The following ABI3BP variants were observed in gnomAD, a reference collection of about 807,000 sequenced individuals.
ABI3BP encodes the protein target of Nesh-SH3.
In ABI3BP, 216 loss-of-function variants were observed where a neutral mutation model predicts 268.6. That is an observed-to-expected ratio of 0.80 (90% CI 0.72 to 0.90). ABI3BP has a LOEUF of 0.90. Among genes scored for constraint, ABI3BP ranks in the 40% least tolerant of loss-of-function variants. ABI3BP has a pLI of 0.00. For missense variants in ABI3BP, 2,090 were observed against 2,182.4 expected (o/e 0.96, Z 0.84); for synonymous variants, 730 against 730.0 (o/e 1.00, Z 0.00).
At chr3:100,963,556 A>T (rs923793970) in intron 1 of ABI3BP, among the ~76,000 whole-genome samples, 2 of 152,208 alleles carry the variant, frequency 1.3e-5, no homozygotes, top group African/African-American at 4.8e-5. Context: ...ATAATTCAGA[A>T]CATATAGCTC....
At chr3:100,990,489 T>C (rs1048186959) in intron 1 of ABI3BP, among the ~76,000 whole-genome samples, 1 of 151,272 alleles carries the variant, frequency 6.6e-6, no homozygotes, top group African/African-American at 2.4e-5. Context: ...TTACTTTTTA[T>C]AACAAAGTAT....
intron 62 of ABI3BP, among the ~76,000 whole-genome samples, chr3:100,768,298 C>T (rs146323528): frequency 3.7e-4 from 57 of 152,208 alleles, no homozygotes; most frequent in Admixed American, 9.8e-4. Flanking sequence ...CCGTGTTAGC[C>T]AGGATGATCT....
Position 100,749,248 on chromosome 3 carries a change from A to C in ABI3BP, c.*1247T>G. On this transcript the variant is annotated 3_prime_UTR_variant, in exon 68 of 68. Coordinates refer to ENST00000471714, the MANE Select transcript of ABI3BP (RefSeq NM_001375547.2). ...ATATAATGGGGGTTGGTAGAGCCTG[A>C]ATAAAACTTAGTGATTTTCCTTCTC... is the stretch of plus-strand genomic sequence containing the variant. The C allele has an allele frequency of 3.9e-5, 1 of 25,494 alleles. No individual in the cohort carries two copies. 1.6% of individuals were successfully genotyped at this position (25,494 alleles called of 1,614,324 possible). A position where few individuals can be genotyped will look rare whatever the true frequency, so the allele number is the denominator to read the frequency against.
chr3:100,902,550 C>T, intron 3 of ABI3BP, 68 bp downstream of exon 3: 1 of 1,477,112 alleles, frequency 6.8e-7, no homozygotes, highest in South Asian at 1.2e-5. Context: ...CTCCAGGGGT[C>T]CAAAAGAGAT....
chr3:100,907,732 A>T lies in ABI3BP; in HGVS notation c.260-5046T>A, dbSNP rs187709498. 1.1e-4 allele frequency among the ~76,000 whole-genome samples: 16 copies of T among 152,308 alleles called. No homozygotes were observed. The East Asian group carries it at 2.5e-3, about 24-fold the overall frequency. On this transcript the variant is annotated intron_variant, in intron 2 of 67. Coordinates refer to ENST00000471714, the MANE Select transcript of ABI3BP (RefSeq NM_001375547.2). ...ATATCGATGCAAAAAAACCCTAAAA[A>T]TATACTGACAGGCAGAATCTGGATC...
intron 34 of ABI3BP, 47 bp from the exon 35 acceptor site, chr3:100,825,891 G>A (rs756966174): frequency 9.6e-5 from 130 of 1,352,234 alleles, no homozygotes; most frequent in Admixed American, 7.1e-4. Flanking sequence ...ATGTGTGGGA[G>A]CTATAGTATT....
At chr3:100,973,535 AGAG>A (rs777534765) in intron 1 of ABI3BP, among the ~76,000 whole-genome samples, 125 of 152,322 alleles carry the variant, frequency 8.2e-4, no homozygotes, top group Non-Finnish European at 1.4e-3. Context: ...GGGCTAAAAC[AGAG>A]GAGTTTTGTT....
At chr3:100,927,720 C>A (rs1382544034) in intron 1 of ABI3BP, among the ~76,000 whole-genome samples, 1 of 152,062 alleles carries the variant, frequency 6.6e-6, no homozygotes, top group Admixed American at 6.6e-5. Flanking sequence ...AGAAACCACC[C>A]TTGTGATCCA....
At chr3:100,804,270 T>A (rs889788355) in intron 51 of ABI3BP, among the ~76,000 whole-genome samples, 1 of 152,094 alleles carries the variant, frequency 6.6e-6, no homozygotes, top group Non-Finnish European at 1.5e-5. Context: ...GATTTGTAGC[T>A]AAAGAAACCA....
chr3:100,970,669 C>T (rs773785482), intron 1 of ABI3BP, among the ~76,000 whole-genome samples: 41 of 152,224 alleles, frequency 2.7e-4, no homozygotes, highest in Non-Finnish European at 5.0e-4. Context: ...AGTGGCAGCA[C>T]GAGTTCCTGG....
At chr3:100,757,788 T>C (rs770491428) in intron 63 of ABI3BP, among the ~76,000 whole-genome samples, 7 of 152,108 alleles carry the variant, frequency 4.6e-5, no homozygotes, top group Non-Finnish European at 1.0e-4. Flanking sequence ...AAGGTCAGTC[T>C]AGACATAGGG....
intron 34 of ABI3BP, among the ~76,000 whole-genome samples, chr3:100,827,372 C>T (rs1379648162): frequency 6.6e-6 from 1 of 151,978 alleles, no homozygotes; most frequent in Non-Finnish European, 1.5e-5. Context: ...GTATGTGAGT[C>T]TATTATTTCT....
At chr3:100,854,285 G>T (rs1452308688) in intron 14 of ABI3BP, among the ~76,000 whole-genome samples, 1 of 151,926 alleles carries the variant, frequency 6.6e-6, no homozygotes, top group Non-Finnish European at 1.5e-5. Flanking sequence ...CTTGAAACTG[G>T]GAGGCAGAGC....
At chr3:100,764,795 G>A (rs1393513964) in intron 63 of ABI3BP, among the ~76,000 whole-genome samples, 1 of 152,196 alleles carries the variant, frequency 6.6e-6, no homozygotes, top group Non-Finnish European at 1.5e-5. Context: ...TAAGGAAACA[G>A]AACAAAGAGC....
intron 4 of ABI3BP, among the ~76,000 whole-genome samples, chr3:100,889,037 A>G (rs2043251470): frequency 6.6e-6 from 1 of 152,094 alleles, no homozygotes; most frequent in South Asian, 2.1e-4. Context: ...GTAACCAATT[A>G]TTCAATTCCA....
At chr3:100,930,847 C>T (rs918745779) in intron 1 of ABI3BP, 1 of 152,046 alleles carries the variant, frequency 6.6e-6, no homozygotes, top group Non-Finnish European at 1.5e-5. Context: ...TTCTATGAGG[C>T]CAGTATCATT....
intron 2 of ABI3BP, chr3:100,911,386 T>C (rs904877632): frequency 5.3e-5 from 14 of 263,524 alleles, no homozygotes; most frequent in African/African-American, 3.0e-4. Flanking sequence ...TTTTTAGATA[T>C]TCTTCTCTCA....
At chr3:100,813,444 C>G (rs137965483) in intron 45 of ABI3BP, among the ~76,000 whole-genome samples, 7 of 152,200 alleles carry the variant, frequency 4.6e-5, no homozygotes, top group African/African-American at 1.7e-4. Flanking sequence ...TAGAATGATA[C>G]AAATGCATTG....
chr3:100,800,179 T>TTGCAAACC (rs2097487091), intron 51 of ABI3BP, among the ~76,000 whole-genome samples: 1 of 152,032 alleles, frequency 6.6e-6, no homozygotes, highest in Non-Finnish European at 1.5e-5. Flanking sequence ...TTCTAGATTG[T>TTGCAAACC]TGCAAACCTA....
Sources: allele counts gnomAD v4.1 joint callset (sites outside exome capture counted in the v4.1 genomes callset), GRCh38; gene constraint gnomAD v4.1.1; transcripts MANE v1.5; gene names NCBI Gene and HGNC (gene_info 2026-07-23, HGNC 2026-07-21).